GPBP1: variants seen among roughly 807,000 people sequenced by gnomAD.
GPBP1 encodes GC-rich promoter binding protein 1, also known as vasculin.
GPBP1 carries 13 observed loss-of-function variants against 56.5 expected under a neutral mutation model. The observed-to-expected ratio is 0.23, with a 90% CI of 0.15 to 0.37. The LOEUF (loss-of-function observed/expected upper bound fraction) is 0.37, where lower values mean the gene tolerates loss of function less well. GPBP1 is among the 10% of genes least tolerant of loss of function. The pLI is 1.00. For synonymous variants in GPBP1, 204 were observed against 188.9 expected (o/e 1.08, Z -0.66); for missense variants, 477 against 572.3 (o/e 0.83, Z 1.70).
intron 5 of GPBP1, among the ~76,000 whole-genome samples, chr5:57,235,136 G>A (rs570094018): frequency 2.0e-5 from 3 of 152,026 alleles, no homozygotes; most frequent in Non-Finnish European, 2.9e-5. Flanking sequence ...GTGAAACTCC[G>A]TCTGTACTAA....
intron 2 of GPBP1, among the ~76,000 whole-genome samples, chr5:57,182,953 G>A (rs1446631922): frequency 6.6e-6 from 1 of 152,184 alleles, no homozygotes; most frequent in African/African-American, 2.4e-5. Flanking sequence ...AAACTGTTGG[G>A]ATTACAGGCA....
At chr5:57,194,468 T>A (rs748069559) in intron 2 of GPBP1, among the ~76,000 whole-genome samples, 8 of 152,222 alleles carry the variant, frequency 5.3e-5, no homozygotes, top group Non-Finnish European at 1.0e-4. Context: ...ATACAGTGTG[T>A]AATGATCAAA....
intron 2 of GPBP1, among the ~76,000 whole-genome samples, chr5:57,184,310 C>A (rs567035471): frequency 6.6e-6 from 1 of 152,222 alleles, no homozygotes; most frequent in African/African-American, 2.4e-5. Context: ...TTTGAAGAAA[C>A]ACCTGAGACT....
intron 6 of GPBP1, among the ~76,000 whole-genome samples, chr5:57,243,860 A>G (rs1015687363): frequency 6.6e-6 from 1 of 150,426 alleles, no homozygotes; most frequent in East Asian, 1.9e-4. Flanking sequence ...AATTGAAAAA[A>G]TTTTTTTTTG....
intron 2 of GPBP1, among the ~76,000 whole-genome samples, chr5:57,182,094 T>C (rs992990696): frequency 2.0e-5 from 3 of 152,226 alleles, no homozygotes; most frequent in African/African-American, 7.2e-5. Flanking sequence ...AATTATTTTA[T>C]AAATTTTTTG....
intron 2 of GPBP1, among the ~76,000 whole-genome samples, chr5:57,195,267 C>T (rs1031777849): frequency 6.6e-6 from 1 of 152,054 alleles, no homozygotes; most frequent in Non-Finnish European, 1.5e-5. Context: ...GTGGTCCTCC[C>T]ATGTCAGCCT....
intron 3 of GPBP1, among the ~76,000 whole-genome samples, chr5:57,220,837 A>G (rs1380741942): frequency 2.0e-5 from 3 of 151,732 alleles, no homozygotes; most frequent in Admixed American, 1.3e-4. Context: ...AATACTTTCT[A>G]GTGATACTTT....
chr5:57,235,563 C>G (rs1434792288), intron 5 of GPBP1, among the ~76,000 whole-genome samples: 1 of 152,170 alleles, frequency 6.6e-6, no homozygotes, highest in Non-Finnish European at 1.5e-5. Flanking sequence ...CTTGTTTTCT[C>G]TGACCAGCAA....
chr5:57,206,283 C>T (rs753666819), intron 2 of GPBP1, among the ~76,000 whole-genome samples: 11 of 151,922 alleles, frequency 7.2e-5, no homozygotes, highest in Non-Finnish European at 8.8e-5. Flanking sequence ...GTTTTGGTGT[C>T]ATATTTAAGA....
intron 2 of GPBP1, among the ~76,000 whole-genome samples, chr5:57,201,550 C>T (rs574923969): frequency 6.6e-6 from 1 of 152,270 alleles, no homozygotes; most frequent in South Asian, 2.1e-4. Flanking sequence ...TGAACTAAGC[C>T]ATCTCTAGGA....
At chr5:57,239,299 A>T (rs1460167230) in intron 6 of GPBP1, among the ~76,000 whole-genome samples, 1 of 152,210 alleles carries the variant, frequency 6.6e-6, no homozygotes, top group African/African-American at 2.4e-5. Context: ...TTCACCATGG[A>T]AATTGTTGAT....
At chr5:57,242,863 C>T (rs1740897076) in intron 6 of GPBP1, among the ~76,000 whole-genome samples, 1 of 151,826 alleles carries the variant, frequency 6.6e-6, no homozygotes, top group African/African-American at 2.4e-5. Flanking sequence ...GATTCTTCTG[C>T]CTCGGCCTCC....
chr5:57,246,560 A>AT, intron 7 of GPBP1, 76 bp downstream of exon 7: 1 of 1,260,064 alleles, frequency 7.9e-7, no homozygotes, highest in South Asian at 1.4e-5. Context: ...AATGTTAAAG[A>AT]ATTTAAAGTG....
chr5:57,223,770 A>T (rs912282032), intron 3 of GPBP1, among the ~76,000 whole-genome samples: 6 of 149,376 alleles, frequency 4.0e-5, no homozygotes, highest in African/African-American at 1.2e-4. Context: ...TTATATATAT[A>T]TTTTAAAATT....
intron 10 of GPBP1, among the ~76,000 whole-genome samples, chr5:57,260,100 G>A (rs1741823251): frequency 6.6e-6 from 1 of 152,090 alleles, no homozygotes; most frequent in Non-Finnish European, 1.5e-5. Flanking sequence ...AGATGATGTG[G>A]GCACACATTG....
intron 6 of GPBP1, among the ~76,000 whole-genome samples, chr5:57,239,005 G>A (rs1409038990): frequency 6.6e-6 from 1 of 152,206 alleles, no homozygotes; most frequent in Non-Finnish European, 1.5e-5. Context: ...TATGATGAAA[G>A]CCAATGGGGA....
rs552384965 is a variant in GPBP1 at position 57,255,221 on chromosome 5, TC to T, written c.1160+4084del. 4.6e-3 allele frequency among the ~76,000 whole-genome samples: 705 copies of T among 152,238 alleles called. 7 individuals carry two copies. Among genetic ancestry groups the T allele is most frequent in the African/African-American group, 0.016 (653 of 41,546 alleles). Reference sequence around the variant, plus strand: ...CTCTCCCCTTCTCTTTCCCTTTCTCTCCCCTTTCCTCTCCTCCCCTCTTCCT... The same window carrying T: ...CTCTCCCCTTCTCTTTCCCTTTCTCTCCCTTTCCTCTCCTCCCCTCTTCCT... On this transcript the variant is annotated intron_variant, in intron 10 of 11. Transcript: ENST00000506184.
intron 3 of GPBP1, among the ~76,000 whole-genome samples, chr5:57,219,405 C>CAAAAAAAAAA (rs1200185260): frequency 2.9e-5 from 1 of 34,192 alleles, no homozygotes; most frequent in Non-Finnish European, 5.4e-5. Context: ...AAAAAAAAAC[C>CAAAAAAAAAA]AAAAACAAAC....
At chr5:57,183,197 C>G (rs1442397410) in intron 2 of GPBP1, among the ~76,000 whole-genome samples, 1 of 151,904 alleles carries the variant, frequency 6.6e-6, no homozygotes, top group African/African-American at 2.4e-5. Context: ...GAAACCCCGT[C>G]TCTAATAAAA....
Sources: gnomAD v4.1 joint callset for allele counts (sites outside exome capture counted in the v4.1 genomes callset) on GRCh38, gnomAD v4.1.1 for gene constraint, MANE v1.5 for transcripts, NCBI Gene and HGNC (gene_info 2026-07-23, HGNC 2026-07-21) for gene names.